The following ESRRG variants were observed in gnomAD, a reference collection of about 807,000 sequenced individuals.
ESRRG encodes the protein estrogen related receptor gamma.
Under a neutral mutation model 44.0 loss-of-function variants are expected in ESRRG, and 13 were observed. The observed-to-expected ratio is 0.30, with a 90% CI of 0.19 to 0.47. The LOEUF (loss-of-function observed/expected upper bound fraction) is 0.47, where lower values mean the gene tolerates loss of function less well. Among genes scored for constraint, ESRRG ranks in the 20% least tolerant of loss-of-function variants. The pLI is 1.00. For missense variants in ESRRG, 395 were observed against 580.6 expected (o/e 0.68, Z 3.29); for synonymous variants, 215 against 214.6 (o/e 1.00, Z -0.02).
At chr1:216,826,880 T>A (rs182648148) in intron 2 of ESRRG, among the ~76,000 whole-genome samples, 59 of 152,306 alleles carry the variant, frequency 3.9e-4, no homozygotes, top group Admixed American at 3.3e-3. Context: ...AGCTCTGCAA[T>A]AATCAGTTGA....
At chr1:216,954,357 C>T (rs955753912) in intron 1 of ESRRG, among the ~76,000 whole-genome samples, 1 of 152,116 alleles carries the variant, frequency 6.6e-6, no homozygotes. Context: ...TAAAGATACT[C>T]AAGAACTCCC....
chr1:217,024,331 C>T (rs2080855088), intron 1 of ESRRG, among the ~76,000 whole-genome samples: 3 of 151,058 alleles, frequency 2.0e-5, no homozygotes, highest in African/African-American at 7.3e-5. Flanking sequence ...GCACTCCAGC[C>T]TGAGCGACAG....
At chr1:216,939,210 T>C (rs2064702759) in intron 2 of ESRRG, among the ~76,000 whole-genome samples, 2 of 152,076 alleles carry the variant, frequency 1.3e-5, no homozygotes, top group South Asian at 4.2e-4. Flanking sequence ...ATAGTCTGAC[T>C]TTCACAACCT....
chr1:216,953,373 C>T (rs1289542060), intron 1 of ESRRG, among the ~76,000 whole-genome samples: 2 of 152,128 alleles, frequency 1.3e-5, no homozygotes, highest in Admixed American at 1.3e-4. Context: ...ATGTAACCCC[C>T]CTGTTTTCCA....
At chr1:216,744,185 G>C (rs551123007) in intron 2 of ESRRG, among the ~76,000 whole-genome samples, 13 of 152,292 alleles carry the variant, frequency 8.5e-5, no homozygotes, top group Non-Finnish European at 1.6e-4. Context: ...TTGTCCGTTA[G>C]AGTCTCTTCC....
chr1:216,728,602 A>T (rs150270641), intron 2 of ESRRG, among the ~76,000 whole-genome samples: 1 of 152,164 alleles, frequency 6.6e-6, no homozygotes, highest in African/African-American at 2.4e-5. Context: ...CAGTAAAATG[A>T]TCAAATTACC....
intron 3 of ESRRG, among the ~76,000 whole-genome samples, chr1:216,608,654 T>G (rs1275468288): frequency 6.6e-6 from 1 of 152,194 alleles, no homozygotes; most frequent in African/African-American, 2.4e-5. Context: ...TTTGGCTCTT[T>G]ACTGATGAGT....
intron 1 of ESRRG, among the ~76,000 whole-genome samples, chr1:217,121,191 A>G (rs1326946104): frequency 2.6e-5 from 4 of 152,096 alleles, no homozygotes; most frequent in Non-Finnish European, 5.9e-5. Flanking sequence ...CAGATACAAA[A>G]AGAAATGCAA....
intron 2 of ESRRG, among the ~76,000 whole-genome samples, chr1:216,788,180 A>C (rs1453906091): frequency 6.6e-6 from 1 of 152,166 alleles, no homozygotes; most frequent in East Asian, 1.9e-4. Context: ...CAGATTTTCA[A>C]TGTAGATGAA....
chr1:216,528,446 T>C (rs1468954701), intron 5 of ESRRG, among the ~76,000 whole-genome samples: 3 of 152,198 alleles, frequency 2.0e-5, no homozygotes, highest in Admixed American at 6.5e-5. Context: ...ATTACTTTTT[T>C]GTTATTTATA....
At chr1:217,084,152 A>G (rs2091938163) in intron 1 of ESRRG, among the ~76,000 whole-genome samples, 1 of 151,240 alleles carries the variant, frequency 6.6e-6, no homozygotes. Flanking sequence ...AAAAAACGAG[A>G]AACAGGAAAG....
At chr1:216,777,152 G>C (rs1038008386) in intron 2 of ESRRG, among the ~76,000 whole-genome samples, 4 of 152,122 alleles carry the variant, frequency 2.6e-5, no homozygotes, top group Non-Finnish European at 5.9e-5. Flanking sequence ...CATATTTTGT[G>C]ACAGCTCTGT....
intron 5 of ESRRG, among the ~76,000 whole-genome samples, chr1:216,555,594 T>C (rs1031706778): frequency 2.0e-5 from 3 of 152,042 alleles, no homozygotes; most frequent in Non-Finnish European, 2.9e-5. Flanking sequence ...TCTCTGCCTG[T>C]TTAAAAAGTG....
At chr1:216,508,341 T>A (rs2041774258) in intron 6 of ESRRG, among the ~76,000 whole-genome samples, 1 of 152,206 alleles carries the variant, frequency 6.6e-6, no homozygotes, top group South Asian at 2.1e-4. Flanking sequence ...TTTTGAATCA[T>A]TCCACCATAT....
At chr1:216,847,335 A>G (rs2095768340) in intron 2 of ESRRG, among the ~76,000 whole-genome samples, 1 of 152,176 alleles carries the variant, frequency 6.6e-6, no homozygotes, top group Admixed American at 6.6e-5. Context: ...TTAATAAACT[A>G]TATAGGGGCA....
chr1:217,080,669 TG>T (rs1477060699), intron 1 of ESRRG, among the ~76,000 whole-genome samples: 1 of 95,866 alleles, frequency 1.0e-5, no homozygotes, highest in Admixed American at 1.4e-4. Flanking sequence ...TTTGTTTTTT[TG>T]GTTTTTTTTT....
chr1:217,030,063 C>T (rs2081836912), intron 1 of ESRRG, among the ~76,000 whole-genome samples: 1 of 152,190 alleles, frequency 6.6e-6, no homozygotes, highest in South Asian at 2.1e-4. Context: ...CCACCTTCTA[C>T]TGGGATGCTG....
chr1:216,879,839 A>G (rs865835972), intron 2 of ESRRG, among the ~76,000 whole-genome samples: 1 of 152,190 alleles, frequency 6.6e-6, no homozygotes, highest in Non-Finnish European at 1.5e-5. Context: ...TAGCTACACC[A>G]TATTTAAACT....
At chr1:216,939,360 A>AC (rs1173827011) in intron 2 of ESRRG, among the ~76,000 whole-genome samples, 2 of 142,448 alleles carry the variant, frequency 1.4e-5, no homozygotes, top group East Asian at 3.9e-4. Context: ...AAAAAAAAAA[A>AC]AAAAAAAAAA....
Sources: allele counts gnomAD v4.1 joint callset (sites outside exome capture counted in the v4.1 genomes callset), GRCh38; gene constraint gnomAD v4.1.1; transcripts MANE v1.5; gene names NCBI Gene and HGNC (gene_info 2026-07-23, HGNC 2026-07-21).